PLEKHA8: variants seen among roughly 807,000 people sequenced by gnomAD.
PLEKHA8 encodes the protein pleckstrin homology domain-containing family A member 8.
A neutral mutation model predicts 68.2 loss-of-function variants in PLEKHA8; 36 were observed. That is an observed-to-expected ratio of 0.53 (90% confidence interval 0.40 to 0.70). The LOEUF is 0.70. PLEKHA8 is among the 30% of genes least tolerant of loss of function. The probability of loss-of-function intolerance (pLI) is 0.00; values close to 1 mark genes in which losing one functional copy is unlikely to be tolerated. For synonymous variants in PLEKHA8, 211 were observed against 216.1 expected (o/e 0.98, Z 0.20); for missense variants, 505 against 615.4 (o/e 0.82, Z 1.90).
At chr7:30,103,929 G>A (rs1325255540) in intron 13 of PLEKHA8, among the ~76,000 whole-genome samples, 1 of 152,174 alleles carries the variant, frequency 6.6e-6, no homozygotes, top group African/African-American at 2.4e-5. Flanking sequence ...ACAAGCCATA[G>A]ATGAGAGACA....
rs1796450644 is a variant in PLEKHA8 at position 30,115,763 on chromosome 7, T to TACACGTATGCATGCATACATACGTGC, written c.1363-13502_1363-13501insCACGTATGCATGCATACATACGTGCA. 2.2e-5 allele frequency: 3 copies of TACACGTATGCATGCATACATACGTGC among 137,526 alleles called. No individual in the cohort carries two copies. In the South Asian group the frequency reaches 6.8e-4, roughly 31 times the overall value. The allele number at this position is 137,526 out of a possible 1,614,324, so 8.5% of individuals were successfully genotyped here. ...ATGTATACATACGTGCACATACATG[T>TACACGTATGCATGCATACATACGTGC]ATACACGTATGCATGCATACATACG... On this transcript the variant is annotated intron_variant, in intron 13 of 13. Coordinates refer to the PLEKHA8 transcript ENST00000396257.
intron 9 of PLEKHA8, among the ~76,000 whole-genome samples, chr7:30,059,069 C>A (rs763419642): frequency 1.3e-5 from 2 of 152,172 alleles, no homozygotes; most frequent in Non-Finnish European, 2.9e-5. Flanking sequence ...TGCAGTGAGC[C>A]GTGGCTGCAC....
rs138513209 is a variant in PLEKHA8, at chr7:30,054,044, A to G, written c.797-665A>G. On this transcript the variant is annotated intron_variant, in intron 7 of 13. Coordinates refer to ENST00000449726, the MANE Select transcript of PLEKHA8 (RefSeq NM_001197026.2). ...ATCTTTTTTCCATAAGGCACATCACAGCCTTTTTGTGGGTAGGAACGCTAG... is the reference window on the plus strand; with the variant it reads ...ATCTTTTTTCCATAAGGCACATCACGGCCTTTTTGTGGGTAGGAACGCTAG... 4.0e-4 allele frequency among the ~76,000 whole-genome samples: 61 copies of G among 152,306 alleles called. 1 individual carries two copies. Among genetic ancestry groups the G allele is most frequent in the African/African-American group, 1.3e-3 (55 of 41,568 alleles).
intron 13 of PLEKHA8, among the ~76,000 whole-genome samples, chr7:30,095,785 G>C (rs866969785): frequency 2.0e-3 from 305 of 152,166 alleles, no homozygotes; most frequent in African/African-American, 6.1e-3. Context: ...ATAGGGAATC[G>C]TTTCCCCATT....
chr7:30,063,001 A>C (rs1446130606), intron 12 of PLEKHA8, among the ~76,000 whole-genome samples: 1 of 152,224 alleles, frequency 6.6e-6, no homozygotes, highest in East Asian at 1.9e-4. Context: ...CCATCTCTTA[A>C]ACATAATAGG....
chr7:30,061,837 C>G, intron 10 of PLEKHA8, 60 bp from the exon 11 acceptor site: 1 of 1,599,788 alleles, frequency 6.3e-7, no homozygotes, highest in Non-Finnish European at 8.5e-7. Flanking sequence ...CCAGACTATA[C>G]TGAGTTGCTT....
chr7:30,105,090 C>T (rs1440837947), intron 13 of PLEKHA8, among the ~76,000 whole-genome samples: 3 of 151,942 alleles, frequency 2.0e-5, no homozygotes, highest in Non-Finnish European at 4.4e-5. Flanking sequence ...GGGTTATATG[C>T]GTGGGCATTT....
chr7:30,111,280 C>A (rs536472371), intron 13 of PLEKHA8, among the ~76,000 whole-genome samples: 20 of 152,104 alleles, frequency 1.3e-4, no homozygotes, highest in Non-Finnish European at 2.5e-4. Context: ...CAAATATTTT[C>A]AAATATTTGA....
At chr7:30,110,908 T>C (rs1427058830) in intron 13 of PLEKHA8, among the ~76,000 whole-genome samples, 3 of 151,450 alleles carry the variant, frequency 2.0e-5, no homozygotes, top group Admixed American at 6.6e-5. Flanking sequence ...TATTTTGAGG[T>C]TGTTTTTTTT....
In PLEKHA8 at chr7:30,065,975, C is replaced by T. The variant is rs145370978; in HGVS notation, c.1300+3233C>T. On this transcript the variant is annotated intron_variant, in intron 12 of 13. Coordinates refer to ENST00000449726, the MANE Select transcript of PLEKHA8 (RefSeq NM_001197026.2). ...ACACTGAGGCTGGGGCCTGGCAGTC[C>T]GTGTTTTAACAAGTCTTTCAGATGA... Among the ~76,000 whole-genome samples the T allele has an allele frequency of 4.7e-3, 717 of 152,244 alleles. 4 individuals are homozygous for T. The highest frequency in any genetic ancestry group is 0.016 in the African/African-American group (678 of 41,546).
chr7:30,096,845 T>C (rs1468599417), intron 13 of PLEKHA8, among the ~76,000 whole-genome samples: 5 of 152,336 alleles, frequency 3.3e-5, no homozygotes, highest in Non-Finnish European at 7.3e-5. Flanking sequence ...AATATTGTTA[T>C]GTGTGAATTT....
chr7:30,057,818 G>A (rs1246346828), intron 9 of PLEKHA8, among the ~76,000 whole-genome samples: 1 of 152,136 alleles, frequency 6.6e-6, no homozygotes, highest in Non-Finnish European at 1.5e-5. Context: ...ATGGGCCTAT[G>A]CTTTCATTTC....
At chr7:30,070,158 C>G (rs1379618808) in intron 12 of PLEKHA8, among the ~76,000 whole-genome samples, 1 of 149,844 alleles carries the variant, frequency 6.7e-6, no homozygotes, top group African/African-American at 2.5e-5. Flanking sequence ...ACTTTTATTT[C>G]ATTTGTTGGT....
chr7:30,056,312 C>CTCTCTCTCTCTCTCTCTATA (rs796845171), intron 9 of PLEKHA8, among the ~76,000 whole-genome samples: 48 of 94,546 alleles, frequency 5.1e-4, no homozygotes, highest in African/African-American at 9.7e-4. Context: ...CTCTCTCTCT[C>CTCTCTCTCTCTCTCTCTATA]TATATATATA....
chr7:30,099,917 C>T (rs921193300), intron 13 of PLEKHA8, among the ~76,000 whole-genome samples: 2 of 152,224 alleles, frequency 1.3e-5, no homozygotes, highest in Non-Finnish European at 1.5e-5. Context: ...AATGTATCCT[C>T]TCATAGTTCT....
downstream of PLEKHA8, among the ~76,000 whole-genome samples, chr7:30,084,850 A>G (rs1335890154): frequency 6.6e-6 from 1 of 152,120 alleles, no homozygotes; most frequent in Non-Finnish European, 1.5e-5. Context: ...TGAGGCATAT[A>G]TTGAGGAAGC....
intron 13 of PLEKHA8, among the ~76,000 whole-genome samples, chr7:30,100,147 T>C (rs1364840031): frequency 4.6e-5 from 7 of 152,214 alleles, no homozygotes; most frequent in Non-Finnish European, 4.4e-5. Flanking sequence ...AGACCTGTCA[T>C]TGGATTTAGA....
At chr7:30,116,060 G>GCATACGTATACATGTATACATACGCATA (rs1796523177) in intron 13 of PLEKHA8, 1 of 141,550 alleles carries the variant, frequency 7.1e-6, no homozygotes, top group African/African-American at 2.7e-5. Context: ...ACATACGTAT[G>GCATACGTATACATGTATACATACGCATA]CATACGTATA....
At chr7:30,030,064 G>A (rs1469266845) in intron 1 of PLEKHA8, among the ~76,000 whole-genome samples, 3 of 152,180 alleles carry the variant, frequency 2.0e-5, no homozygotes, top group African/African-American at 7.2e-5. Context: ...CTCAAAGCTA[G>A]GCTTTGGTTT....
Sources: allele counts gnomAD v4.1 joint callset (sites outside exome capture counted in the v4.1 genomes callset), GRCh38; gene constraint gnomAD v4.1.1; transcripts MANE v1.5; gene names NCBI Gene and HGNC (gene_info 2026-07-23, HGNC 2026-07-21).